CSGALNACT1: variants seen among roughly 807,000 people sequenced by gnomAD.
CSGALNACT1 encodes chondroitin sulfate N-acetylgalactosaminyltransferase 1, also known as beta4GalNAcT-1.
CSGALNACT1 carries 52 observed loss-of-function variants against 51.0 expected under a neutral mutation model. That is an observed-to-expected ratio of 1.02 (90% CI 0.82 to 1.29). CSGALNACT1 has a LOEUF of 1.29. Ranked by LOEUF, CSGALNACT1 falls within the 50% of genes most tolerant of loss-of-function variation. The pLI is 0.00. For missense variants in CSGALNACT1, 935 were observed against 679.2 expected, an observed-to-expected ratio of 1.38 and a Z score of -4.19; for synonymous variants, 341 against 254.4, an observed-to-expected ratio of 1.34 and a Z score of -3.24.
chr8:19,451,842 G>A (rs567892403), intron 5 of CSGALNACT1, among the ~76,000 whole-genome samples: 2 of 152,170 alleles, frequency 1.3e-5, no homozygotes, highest in African/African-American at 2.4e-5. Context: ...ACTGCAAGGC[G>A]ATAGGGCCCA....
chr8:19,689,687 C>T (rs2061180702), intron 1 of CSGALNACT1, among the ~76,000 whole-genome samples: 2 of 152,126 alleles, frequency 1.3e-5, no homozygotes, highest in African/African-American at 4.8e-5. Context: ...TCAACAGATC[C>T]AACCAAAATA....
At chr8:19,422,613 T>C (rs2058122657) in intron 6 of CSGALNACT1, among the ~76,000 whole-genome samples, 1 of 152,234 alleles carries the variant, frequency 6.6e-6, no homozygotes, top group Admixed American at 6.5e-5. Context: ...ACATTTTCTG[T>C]GTGTTGCATT....
At chr8:19,411,439 C>T (rs1300495832) in intron 8 of CSGALNACT1, among the ~76,000 whole-genome samples, 2 of 152,186 alleles carry the variant, frequency 1.3e-5, no homozygotes, top group Non-Finnish European at 2.9e-5. Flanking sequence ...TCAGTAAATA[C>T]TTCCTCAATG....
At chr8:19,616,391 T>G (rs951713892) in intron 1 of CSGALNACT1, among the ~76,000 whole-genome samples, 2 of 152,100 alleles carry the variant, frequency 1.3e-5, no homozygotes, top group Admixed American at 1.3e-4. Context: ...AAGGTACTGA[T>G]GAGGGGTCAT....
chr8:19,754,049 T>TG (rs1173490397), intron 1 of CSGALNACT1, among the ~76,000 whole-genome samples: 3 of 152,096 alleles, frequency 2.0e-5, no homozygotes, highest in South Asian at 4.2e-4. Context: ...CATTTTCTTT[T>TG]TTCAGTCTCG....
At position 19,757,233 on chromosome 8, in the gene CSGALNACT1, G is replaced by T. The variant is rs1171158460; in HGVS notation, c.-297+617C>A. 1 of 149,746 alleles carries T rather than the reference G, an allele frequency of 6.7e-6. No homozygotes were observed. Among genetic ancestry groups the T allele is most frequent in the Non-Finnish European group, 1.5e-5 (1 of 67,080 alleles). 9.3% of individuals were successfully genotyped at this position (149,746 alleles called of 1,614,324 possible). A position where few individuals can be genotyped will look rare whatever the true frequency, so the allele number is the denominator to read the frequency against. ...CGGCCCGGCTCCGGCCGCTGCCGCC[G>T]TCGCTGAACTTTCCCTCCTGCGCGG... On this transcript the variant is annotated intron_variant, in intron 1 of 1. Coordinates refer to the CSGALNACT1 transcript ENST00000517494. The surrounding 1 kb of genome is among the most constrained non-coding windows in gnomAD (Gnocchi z 4.0).
At chr8:19,606,159 A>G (rs996041204), upstream of CSGALNACT1, among the ~76,000 whole-genome samples, 6 of 152,244 alleles carry the variant, frequency 3.9e-5, no homozygotes, top group Middle Eastern at 3.2e-3. Context: ...CAGCATGCCT[A>G]AAATAACAAA....
At chr8:19,431,063 C>A (rs543753641) in intron 6 of CSGALNACT1, among the ~76,000 whole-genome samples, 1 of 152,004 alleles carries the variant, frequency 6.6e-6, no homozygotes, top group Non-Finnish European at 1.5e-5. Flanking sequence ...GTTCTTAGCT[C>A]TAATAGTTTT....
chr8:19,410,109 T>C (rs1034785991), intron 8 of CSGALNACT1, among the ~76,000 whole-genome samples: 1 of 152,192 alleles, frequency 6.6e-6, no homozygotes, highest in African/African-American at 2.4e-5. Flanking sequence ...ACCATGTCAC[T>C]TACATTCCAC....
chr8:19,536,483 G>A (rs1025535884), intron 3 of CSGALNACT1, among the ~76,000 whole-genome samples: 29 of 152,178 alleles, frequency 1.9e-4, no homozygotes, highest in African/African-American at 7.0e-4. Context: ...TGCCTTATGT[G>A]CTGAAAACTA....
At chr8:19,609,414 T>G (rs2051868607) in intron 1 of CSGALNACT1, among the ~76,000 whole-genome samples, 1 of 150,504 alleles carries the variant, frequency 6.6e-6, no homozygotes, top group African/African-American at 2.5e-5. Context: ...AATAAATATT[T>G]TTAAATCATT....
intron 3 of CSGALNACT1, among the ~76,000 whole-genome samples, chr8:19,510,571 C>T (rs1175800923): frequency 1.3e-5 from 2 of 152,136 alleles, no homozygotes; most frequent in Non-Finnish European, 2.9e-5. Context: ...AATTTACTAG[C>T]TTGTAGAGGA....
At chr8:19,601,137 C>T (rs557797960) in intron 2 of CSGALNACT1, among the ~76,000 whole-genome samples, 6 of 152,064 alleles carry the variant, frequency 3.9e-5, no homozygotes, top group African/African-American at 1.4e-4. Flanking sequence ...TGCATAGAAA[C>T]TCAAAATTAC....
At chr8:19,682,722 T>G (rs1461582190), upstream of CSGALNACT1, 3 of 453,978 alleles carry the variant, frequency 6.6e-6, no homozygotes, top group Admixed American at 7.1e-5. Flanking sequence ...GCCACACCAA[T>G]GCACAGCCTG....
intron 3 of CSGALNACT1, among the ~76,000 whole-genome samples, chr8:19,544,329 T>C (rs2085976921): frequency 6.6e-6 from 1 of 152,204 alleles, no homozygotes; most frequent in African/African-American, 2.4e-5. Flanking sequence ...ATCTCTACTA[T>C]TTAAAAATAT....
intron 6 of CSGALNACT1, among the ~76,000 whole-genome samples, chr8:19,422,640 C>T (rs1449463453): frequency 6.6e-6 from 1 of 152,206 alleles, no homozygotes; most frequent in Non-Finnish European, 1.5e-5. Context: ...ATGCTCAAAA[C>T]CTTTTCAGTA....
intron 3 of CSGALNACT1, among the ~76,000 whole-genome samples, chr8:19,562,869 A>G (rs1167745809): frequency 6.6e-6 from 1 of 152,224 alleles, no homozygotes; most frequent in Non-Finnish European, 1.5e-5. Flanking sequence ...TGACAGTGTG[A>G]TGATTCCTCA....
chr8:19,614,889 G>T (rs996274319), intron 1 of CSGALNACT1, among the ~76,000 whole-genome samples: 3 of 152,154 alleles, frequency 2.0e-5, no homozygotes, highest in Non-Finnish European at 2.9e-5. Flanking sequence ...CACAGTGAGG[G>T]GTAACCAGAA....
intron 4 of CSGALNACT1, among the ~76,000 whole-genome samples, chr8:19,463,929 A>G (rs1196503953): frequency 6.6e-6 from 1 of 152,174 alleles, no homozygotes; most frequent in Non-Finnish European, 1.5e-5. Context: ...TTCCTTCAGT[A>G]GGCCAGGAGC....
Sources: gnomAD v4.1 joint callset for allele counts (sites outside exome capture counted in the v4.1 genomes callset) on GRCh38, gnomAD v4.1.1 for gene constraint, Gnocchi (gnomAD v3.1) non-coding constraint, MANE v1.5 for transcripts, NCBI Gene and HGNC (gene_info 2026-07-23, HGNC 2026-07-21) for gene names.